The following CCDC171 variants were observed in gnomAD, a reference collection of about 807,000 sequenced individuals.
The protein encoded by CCDC171 is coiled-coil domain-containing protein 171.
A neutral mutation model predicts 168.2 loss-of-function variants in CCDC171; 177 were observed. That is an observed-to-expected ratio of 1.05 (90% CI 0.93 to 1.19). The LOEUF (loss-of-function observed/expected upper bound fraction) is 1.19, where lower values mean the gene tolerates loss of function less well. Ranked by LOEUF, CCDC171 falls within the 50% of genes most tolerant of loss-of-function variation. The pLI is 0.00. For synonymous variants in CCDC171, 687 were observed against 540.8 expected (o/e 1.27, Z -3.75); for missense variants, 1,991 against 1,539.0 (o/e 1.29, Z -4.91).
At chr9:15,987,459 T>C (rs544674373) in intron 3 of CCDC171, among the ~76,000 whole-genome samples, 11 of 150,908 alleles carry the variant, frequency 7.3e-5, no homozygotes, top group African/African-American at 2.4e-4. Flanking sequence ...TTGTAACAAA[T>C]GTAAAAAAAA....
At chr9:15,594,789 T>C (rs2042225285) in intron 6 of CCDC171, among the ~76,000 whole-genome samples, 1 of 152,130 alleles carries the variant, frequency 6.6e-6, no homozygotes, top group Non-Finnish European at 1.5e-5. Context: ...TTCAGGAGAT[T>C]ATATGTATTT....
intron 7 of CCDC171, among the ~76,000 whole-genome samples, chr9:15,653,670 G>A (rs1300044291): frequency 6.6e-6 from 1 of 151,918 alleles, no homozygotes; most frequent in Non-Finnish European, 1.5e-5. Flanking sequence ...CTAACTCCCA[G>A]TTTGATTATT....
intron 1 of CCDC171, among the ~76,000 whole-genome samples, chr9:15,561,209 G>C (rs1453252092): frequency 6.6e-6 from 1 of 152,104 alleles, no homozygotes; most frequent in African/African-American, 2.4e-5. Context: ...TTGGTGTAGA[G>C]TGAAATGAGA....
At chr9:15,662,067 A>G (rs894623300) in intron 8 of CCDC171, among the ~76,000 whole-genome samples, 1 of 152,208 alleles carries the variant, frequency 6.6e-6, no homozygotes, top group Admixed American at 6.5e-5. Context: ...ACTTGAGGCC[A>G]GGAGTTCCAG....
At chr9:15,555,569 C>T (rs1458487314) in intron 1 of CCDC171, among the ~76,000 whole-genome samples, 1 of 152,118 alleles carries the variant, frequency 6.6e-6, no homozygotes, top group African/African-American at 2.4e-5. Flanking sequence ...TCTTGAGGGC[C>T]AATAGCAAGG....
intron 7 of CCDC171, among the ~76,000 whole-genome samples, chr9:15,638,582 G>A (rs918354530): frequency 2.0e-5 from 3 of 152,018 alleles, no homozygotes; most frequent in African/African-American, 4.8e-5. Flanking sequence ...CCTAATGAAT[G>A]TTTTAAATTC....
At chr9:15,835,450 G>A (rs2136293073) in intron 21 of CCDC171, among the ~76,000 whole-genome samples, 1 of 152,192 alleles carries the variant, frequency 6.6e-6, no homozygotes, top group South Asian at 2.1e-4. Context: ...CTTTTGAGTT[G>A]GAGTTTCGCT....
At chr9:16,095,869 CATAT>C in the CCDC171 span, among the ~76,000 whole-genome samples, 19,274 of 123,812 alleles carry the variant, frequency 0.16, 1,475 homozygotes, top group Non-Finnish European at 0.16. Flanking sequence ...CACATAGGCA[CATAT>C]ATATATATAT....
chr9:15,825,170 C>G (rs1485353954), intron 21 of CCDC171, among the ~76,000 whole-genome samples: 1 of 151,996 alleles, frequency 6.6e-6, no homozygotes, highest in Non-Finnish European at 1.5e-5. Context: ...GAAATAGAAC[C>G]TATTAATTTG....
intron 1 of CCDC171, among the ~76,000 whole-genome samples, chr9:16,058,399 G>A (rs577250258): frequency 6.6e-6 from 1 of 151,804 alleles, no homozygotes; most frequent in Non-Finnish European, 1.5e-5. Flanking sequence ...TGCAGTGACA[G>A]CAGGTATGCT....
intron 16 of CCDC171, among the ~76,000 whole-genome samples, chr9:15,736,793 A>C (rs1442228649): frequency 3.9e-5 from 6 of 151,942 alleles, no homozygotes; most frequent in African/African-American, 1.2e-4. Context: ...CTTCCACTTC[A>C]GCTTCCTGAG....
At chr9:15,578,706 T>C in intron 3 of CCDC171, 143 bp from the exon 4 acceptor site, 1 of 486,540 alleles carries the variant, frequency 2.1e-6, no homozygotes, top group Non-Finnish European at 3.4e-6. Flanking sequence ...TAGTGCTTTC[T>C]TTCCAGTGAT....
intron 25 of CCDC171, among the ~76,000 whole-genome samples, chr9:15,936,754 A>G (rs1827167352): frequency 6.6e-6 from 1 of 152,056 alleles, no homozygotes; most frequent in South Asian, 2.1e-4. Flanking sequence ...TGTGCTTCTG[A>G]TTAGGTGGCT....
At chr9:16,068,510 T>G in the CCDC171 span, among the ~76,000 whole-genome samples, 14 of 152,212 alleles carry the variant, frequency 9.2e-5, no homozygotes, top group Non-Finnish European at 1.5e-4. Flanking sequence ...CTGTGATGGC[T>G]AAAAGCACAG....
intron 18 of CCDC171, among the ~76,000 whole-genome samples, chr9:15,773,840 A>G (rs1564380592): frequency 6.6e-6 from 1 of 152,236 alleles, no homozygotes; most frequent in Non-Finnish European, 1.5e-5. Context: ...AATAAGCAGC[A>G]GAGTTAATAG....
At chr9:15,625,202 G>T (rs1269163987) in intron 7 of CCDC171, among the ~76,000 whole-genome samples, 1 of 152,142 alleles carries the variant, frequency 6.6e-6, no homozygotes, top group Non-Finnish European at 1.5e-5. Flanking sequence ...GTTCTTTGTA[G>T]ATTCTGGATA....
chr9:15,811,508 T>C (rs1212628862), intron 21 of CCDC171, among the ~76,000 whole-genome samples: 6 of 152,238 alleles, frequency 3.9e-5, no homozygotes, highest in African/African-American at 1.4e-4. Context: ...TCTGAGACTG[T>C]TGTGTTAGGT....
intron 25 of CCDC171, among the ~76,000 whole-genome samples, chr9:15,926,934 A>G (rs1825960634): frequency 6.6e-6 from 1 of 151,668 alleles, no homozygotes. Context: ...GTACTGTATT[A>G]CCATTACTTG....
the CCDC171 span, among the ~76,000 whole-genome samples, chr9:16,095,214 C>G: frequency 7.2e-5 from 11 of 152,164 alleles, no homozygotes; most frequent in Non-Finnish European, 1.6e-4. Flanking sequence ...ATGTGAAGCT[C>G]CCTCAGGAGC....
Sources: allele counts gnomAD v4.1 joint callset (sites outside exome capture counted in the v4.1 genomes callset), GRCh38; gene constraint gnomAD v4.1.1; transcripts MANE v1.5; gene names NCBI Gene and HGNC (gene_info 2026-07-23, HGNC 2026-07-21).